TIAM1: variants seen among roughly 807,000 people sequenced by gnomAD.
The protein encoded by TIAM1 is TIAM Rac1 associated GEF 1, also known as rho guanine nucleotide exchange factor TIAM1.
TIAM1 carries 65 observed loss-of-function variants against 163.5 expected under a neutral mutation model. The observed-to-expected ratio is 0.40, with a 90% CI of 0.33 to 0.49. The LOEUF is 0.49. Ranked by LOEUF, TIAM1 falls within the 20% of genes least tolerant of loss-of-function variation. The pLI, the probability that TIAM1 is intolerant of heterozygous loss-of-function variation, is 0.77. For missense variants in TIAM1, 1,789 were observed against 2,044.7 expected (o/e 0.87, Z 2.41); for synonymous variants, 833 against 810.1 (o/e 1.03, Z -0.48).
intron 1 of TIAM1, among the ~76,000 whole-genome samples, chr21:31,492,910 C>A (rs937795991): frequency 1.3e-5 from 2 of 151,744 alleles, no homozygotes; most frequent in Admixed American, 1.3e-4. Flanking sequence ...CAGAAAGAAT[C>A]TGGAGGAATA....
rs532189076 is a variant in TIAM1 at position 31,265,588 on chromosome 21, C to T, written c.963+422G>A. Among the ~76,000 whole-genome samples the T allele has an allele frequency of 3.3e-5, 5 of 151,758 alleles. No homozygotes were observed. In the South Asian group the frequency reaches 6.2e-4, roughly 19 times the overall value. ...TAAAATGCCTCCTCAGAGGAGTTGC[C>T]GACTAACCTCCTCCCACCTGCTGCA... On this transcript the variant is annotated intron_variant, in intron 4 of 27. Coordinates refer to ENST00000541036, the MANE Select transcript of TIAM1 (RefSeq NM_001353694.2).
At chr21:31,524,289 T>C (rs1263176140) in intron 1 of TIAM1, among the ~76,000 whole-genome samples, 1 of 152,042 alleles carries the variant, frequency 6.6e-6, no homozygotes, top group African/African-American at 2.4e-5. Flanking sequence ...GGTAGGAGTC[T>C]CACATGGCAG....
In TIAM1 at chr21:31,148,004, C is replaced by CAAAA. The variant is rs34410316; in HGVS notation, c.3367-1005_3367-1002dup. ...AGAGGATTCTGAGTCTGTCCATGAC[C>CAAAA]AAAAAAAAAAAAAAAAAAAAAAAAG... On this transcript the variant is annotated intron_variant, in intron 19 of 27. Transcript: ENST00000541036. 1.3e-3 allele frequency among the ~76,000 whole-genome samples: 85 copies of CAAAA among 63,772 alleles called. 2 individuals are homozygous for CAAAA. Among genetic ancestry groups the CAAAA allele is most frequent in the Admixed American group, 3.8e-3 (16 of 4,162 alleles). The allele number at this position is 63,772 out of a possible 152,430, so 41.8% of individuals were successfully genotyped here. A position where few individuals can be genotyped will look rare whatever the true frequency, so the allele number is the denominator to read the frequency against.
chr21:31,262,944 GA>G (rs962498855), intron 4 of TIAM1, among the ~76,000 whole-genome samples: 7 of 135,768 alleles, frequency 5.2e-5, no homozygotes, highest in East Asian at 2.2e-4. Flanking sequence ...CAAAAAAAAA[GA>G]AAAAAATTTT....
At chr21:31,458,317 G>A (rs564093475) in intron 2 of TIAM1, among the ~76,000 whole-genome samples, 18 of 152,112 alleles carry the variant, frequency 1.2e-4, no homozygotes, top group African/African-American at 4.1e-4. Flanking sequence ...CTACTCAGGA[G>A]GCTGTGGCAG....
At chr21:31,341,922 CAATAAAATTGAT>C (rs1569246030) in intron 1 of TIAM1, among the ~76,000 whole-genome samples, 1 of 151,846 alleles carries the variant, frequency 6.6e-6, no homozygotes, top group Non-Finnish European at 1.5e-5. Context: ...TCCAAAAGAC[CAATAAAATTGAT>C]AATACATTAG....
chr21:31,227,789 C>A (rs1228048907), intron 6 of TIAM1, among the ~76,000 whole-genome samples: 1 of 152,174 alleles, frequency 6.6e-6, no homozygotes, highest in Non-Finnish European at 1.5e-5. Flanking sequence ...AAAAGAGAGG[C>A]TCTCCTGCAT....
intron 1 of TIAM1, among the ~76,000 whole-genome samples, chr21:31,342,955 C>T (rs1393556917): frequency 2.6e-5 from 4 of 152,150 alleles, no homozygotes; most frequent in Non-Finnish European, 4.4e-5. Flanking sequence ...CTGCCAATTC[C>T]GCTTCGATAT....
Position 31,266,555 on chromosome 21 carries a change from T to C in TIAM1, c.418A>G (p.Thr140Ala), listed in dbSNP as rs200774156. The C allele has an allele frequency of 4.7e-5, 76 of 1,614,204 alleles. No individual in the cohort carries two copies. Among genetic ancestry groups the C allele is most frequent in the Admixed American group, 6.7e-5 (4 of 60,018 alleles). Residue 140 changes from threonine to alanine, a missense_variant, in exon 4 of 28, where the codon ACA becomes GCA. Physicochemically the swap from Thr to Ala is moderately conservative, Grantham distance 58. Coordinates refer to ENST00000541036, the MANE Select transcript of TIAM1 (RefSeq NM_001353694.2). ...CTCCTGCCTCCCTCAGCCAAATATG[T>C]AGCGTCATCCCCGTAAAGCCTGCTC... Reference protein sequence around the residue: ...EESRLYGDDATYLAEGGRRQH... With the variant: ...EESRLYGDDAAYLAEGGRRQH...
intron 2 of TIAM1, among the ~76,000 whole-genome samples, chr21:31,312,812 C>A (rs2074980289): frequency 6.6e-6 from 1 of 152,138 alleles, no homozygotes. Flanking sequence ...ACTGCATTCT[C>A]CCTAAGGGAA....
intron 2 of TIAM1, among the ~76,000 whole-genome samples, chr21:31,292,483 C>T (rs35228093): frequency 0.23 from 35,148 of 151,038 alleles, 4,155 homozygotes; most frequent in East Asian, 0.32. Context: ...GATTCTCATG[C>T]CTCAGCCTCC....
chr21:31,421,489 G>A (rs1343837721), intron 2 of TIAM1, among the ~76,000 whole-genome samples: 1 of 152,204 alleles, frequency 6.6e-6, no homozygotes, highest in Non-Finnish European at 1.5e-5. Context: ...GATCAGCGGT[G>A]ACATCAGATT....
chr21:31,166,010 T>A (rs1461907827), intron 15 of TIAM1, among the ~76,000 whole-genome samples: 1 of 152,198 alleles, frequency 6.6e-6, no homozygotes, highest in Non-Finnish European at 1.5e-5. Flanking sequence ...GAAGAGAATA[T>A]GAGGATCACT....
chr21:31,253,285 T>A (rs1025814896), intron 4 of TIAM1, among the ~76,000 whole-genome samples: 12 of 152,224 alleles, frequency 7.9e-5, no homozygotes, highest in Admixed American at 1.3e-4. Flanking sequence ...ATACACAGTT[T>A]GGCAGTTTCA....
In TIAM1 at chr21:31,152,670, T is replaced by G. The variant is rs2083436421; in HGVS notation, c.3332A>C (p.Asp1111Ala). ...ATCAACCTTCTCAAGCTTTTCCAAATCAGGTACCAGTCTCACTCCATCTTC... is the reference window on the plus strand; with the variant it reads ...ATCAACCTTCTCAAGCTTTTCCAAAGCAGGTACCAGTCTCACTCCATCTTC... ...TLEDGVRLVP[D>A]LEKLEKVDQF... The change falls in exon 19 of 28, where the codon GAT (aspartate) becomes GCT (alanine). Residue 1111 changes from aspartate to alanine, a missense_variant. Transcript: ENST00000541036. The G allele has an allele frequency of 3.1e-6, 5 of 1,614,202 alleles. No individual in the cohort carries two copies. The highest frequency in any genetic ancestry group is 4.2e-6 in the Non-Finnish European group (5 of 1,180,026).
At chr21:31,192,715 C>A (rs974526629) in intron 13 of TIAM1, among the ~76,000 whole-genome samples, 1 of 152,154 alleles carries the variant, frequency 6.6e-6, no homozygotes, top group Non-Finnish European at 1.5e-5. Flanking sequence ...TCTCCTTCTA[C>A]CAAACAGTAG....
chr21:31,552,951 G>A (rs936350082), intron 1 of TIAM1, among the ~76,000 whole-genome samples: 3 of 152,178 alleles, frequency 2.0e-5, no homozygotes, highest in African/African-American at 7.2e-5. Flanking sequence ...AAGTGCACGT[G>A]GCACCGCCTT....
intron 1 of TIAM1, among the ~76,000 whole-genome samples, chr21:31,516,040 G>A (rs1427568312): frequency 4.6e-5 from 7 of 151,342 alleles, no homozygotes; most frequent in Non-Finnish European, 1.0e-4. Flanking sequence ...CCCAGGAGGC[G>A]GAGGTTGCAG....
chr21:31,508,458 G>T (rs977418599), intron 1 of TIAM1, among the ~76,000 whole-genome samples: 3 of 148,110 alleles, frequency 2.0e-5, no homozygotes, highest in Non-Finnish European at 4.4e-5. Context: ...GCACAATCTC[G>T]GCTCACTGCA....
Sources: allele counts gnomAD v4.1 joint callset (sites outside exome capture counted in the v4.1 genomes callset), GRCh38; gene constraint gnomAD v4.1.1; transcripts MANE v1.5; gene names NCBI Gene and HGNC (gene_info 2026-07-23, HGNC 2026-07-21).